Variants in FNDC1 observed in about 807,000 individuals in gnomAD.
FNDC1 encodes fibronectin type III domain containing 1.
Under a neutral mutation model 168.0 loss-of-function variants are expected in FNDC1, and 96 were observed. The observed-to-expected ratio is 0.57, with a 90% CI of 0.48 to 0.68. The LOEUF (loss-of-function observed/expected upper bound fraction) is 0.68. Ranked by LOEUF, FNDC1 falls within the 30% of genes least tolerant of loss-of-function variation. FNDC1 has a pLI of 0.00. For missense variants in FNDC1, 2,587 were observed against 2,482.1 expected (o/e 1.04, Z -0.90); for synonymous variants, 1,099 against 1,025.9 (o/e 1.07, Z -1.36).
chr6:159,195,036 G>A (rs868760458), intron 1 of FNDC1, among the ~76,000 whole-genome samples: 12 of 152,158 alleles, frequency 7.9e-5, no homozygotes, highest in Middle Eastern at 3.4e-3. Context: ...TGTGTGGTGC[G>A]GTGGGTGGGA....
At chr6:159,267,967 G>C in intron 22 of FNDC1, 41 bp downstream of exon 22, 1 of 1,583,272 alleles carries the variant, frequency 6.3e-7, no homozygotes, top group East Asian at 2.3e-5. Context: ...CTAGGAGGTG[G>C]GAGACAAGGA....
In FNDC1 at chr6:159,223,565, C is replaced by G; in HGVS notation, c.804C>G (p.Val268=). The change falls in exon 7 of 23, where the codon GTC becomes GTG. Residue 268 remains valine, a synonymous_variant. Coordinates refer to ENST00000297267, the MANE Select transcript of FNDC1 (RefSeq NM_032532.3). ...TGGATGTACCTGACGACATCAGCGT[C>G]CGGGTTATGTCATCTCAGTCTGTGC... is the stretch of plus-strand genomic sequence containing the variant. ...DELDVPDDIS[V]RVMSSQSVLV... The G allele has an allele frequency of 1.9e-6, 3 of 1,613,688 alleles. No homozygotes were observed. Among genetic ancestry groups the G allele is most frequent in the Non-Finnish European group, 2.5e-6 (3 of 1,179,758 alleles).
At chr6:159,190,832 T>C (rs1782121930) in intron 1 of FNDC1, among the ~76,000 whole-genome samples, 1 of 152,248 alleles carries the variant, frequency 6.6e-6, no homozygotes, top group African/African-American at 2.4e-5. Context: ...TTGTTATTGA[T>C]CAGCACACTA....
intron 9 of FNDC1, 69 bp downstream of exon 9, chr6:159,226,649 T>G: frequency 1.6e-6 from 2 of 1,235,110 alleles, no homozygotes; most frequent in Non-Finnish European, 2.3e-6. Flanking sequence ...CTTACGGCTT[T>G]GTTGACTGAA....
intron 1 of FNDC1, among the ~76,000 whole-genome samples, chr6:159,196,932 G>A (rs887048376): frequency 1.3e-5 from 2 of 152,126 alleles, no homozygotes; most frequent in African/African-American, 2.4e-5. Flanking sequence ...GATGATCTTG[G>A]TTTGTTTTCT....
chr6:159,254,493 TA>T (rs1777332761), intron 17 of FNDC1, among the ~76,000 whole-genome samples: 1 of 152,188 alleles, frequency 6.6e-6, no homozygotes, highest in Non-Finnish European at 1.5e-5. Flanking sequence ...AGACTTGGTG[TA>T]TAAAAAATCA....
intron 4 of FNDC1, among the ~76,000 whole-genome samples, chr6:159,210,145 C>T (rs563436): frequency 0.14 from 21,179 of 152,244 alleles, 1,723 homozygotes; most frequent in East Asian, 0.37. Context: ...TGGTGCTGCC[C>T]ACCACATCCT....
intron 4 of FNDC1, among the ~76,000 whole-genome samples, chr6:159,210,048 T>C (rs997079048): frequency 6.6e-6 from 1 of 152,252 alleles, no homozygotes; most frequent in Non-Finnish European, 1.5e-5. Context: ...CAGATGGTGC[T>C]GACGCCCTCT....
At chr6:159,225,462 G>A (rs1782932692) in intron 7 of FNDC1, 73 bp from the exon 8 acceptor site, 3 of 1,256,996 alleles carry the variant, frequency 2.4e-6, no homozygotes, top group Non-Finnish European at 3.2e-6. Flanking sequence ...TTATGAGGAA[G>A]GAAAAACAGC....
chr6:159,183,049 T>C (rs1001804849), intron 1 of FNDC1, among the ~76,000 whole-genome samples: 1 of 152,224 alleles, frequency 6.6e-6, no homozygotes, highest in African/African-American at 2.4e-5. Context: ...ATTGGGGATA[T>C]CAGGTGTTCT....
intron 14 of FNDC1, among the ~76,000 whole-genome samples, chr6:159,242,136 T>C (rs1783435503): frequency 6.6e-6 from 1 of 152,170 alleles, no homozygotes; most frequent in East Asian, 1.9e-4. Context: ...ATATACACCA[T>C]GGAATACTAT....
chr6:159,236,862 G>A (rs1158698674), intron 12 of FNDC1, among the ~76,000 whole-genome samples: 5 of 152,166 alleles, frequency 3.3e-5, no homozygotes, highest in African/African-American at 9.7e-5. Context: ...AGTATTTCAT[G>A]TATGTCTAAA....
At position 159,197,599 on chromosome 6, in the gene FNDC1, C is replaced by T. The variant is rs764445731; in HGVS notation, c.278C>T (p.Thr93Ile). The T allele has an allele frequency of 1.2e-6, 2 of 1,612,912 alleles. No homozygotes were observed. The highest frequency in any genetic ancestry group is 1.3e-5 in the African/African-American group (1 of 74,886). ...AAATACATCAAGGTGAATGCGGAGACATACTCCTTCCTTATTGAGGATGTG... is the reference window on the plus strand; with the variant it reads ...AAATACATCAAGGTGAATGCGGAGATATACTCCTTCCTTATTGAGGATGTG... ...SLKYIKVNAE[T>I]YSFLIEDVEP... Residue 93 changes from threonine to isoleucine, a missense_variant, in exon 2 of 23, where the codon ACA (threonine) becomes ATA (isoleucine). Physicochemically the swap from Thr to Ile is moderately conservative, Grantham distance 89. Coordinates refer to ENST00000297267, the MANE Select transcript of FNDC1 (RefSeq NM_032532.3).
chr6:159,258,670 A>C (rs568081454), intron 18 of FNDC1, among the ~76,000 whole-genome samples: 1 of 152,302 alleles, frequency 6.6e-6, no homozygotes, highest in East Asian at 1.9e-4. Context: ...TGAGGTGCCC[A>C]CCTGCTTATG....
At chr6:159,254,126 G>C (rs924551028) in intron 17 of FNDC1, among the ~76,000 whole-genome samples, 3 of 152,226 alleles carry the variant, frequency 2.0e-5, no homozygotes, top group Non-Finnish European at 4.4e-5. Context: ...ACTAATCAGT[G>C]ATCATAGGGT....
rs1170769127 is a variant in FNDC1, at chr6:159,233,789, G to C, written c.3277G>C (p.Ala1093Pro). ...AGAAGTCGAGGCCCAGGATGTGCGGGCCCCCGCGCACGCCGCGCGCGCCAA... is the reference window on the plus strand; with the variant it reads ...AGAAGTCGAGGCCCAGGATGTGCGGCCCCCCGCGCACGCCGCGCGCGCCAA... ...STEVEAQDVR[A>P]PAHAARAKEA... Residue 1093 changes from alanine (A) to proline (P), a missense_variant, in exon 11 of 23, where the codon GCC becomes CCC. By Grantham distance (27) the Ala-to-Pro change is conservative. Transcript: ENST00000297267. The surrounding 1 kb of genome is among the most constrained non-coding windows in gnomAD (Gnocchi z 4.6). 3.9e-6 allele frequency: 6 copies of C among 1,538,886 alleles called. No individual in the cohort carries two copies. Among genetic ancestry groups the C allele is most frequent in the Admixed American group, 4.1e-5 (2 of 48,984 alleles).
intron 1 of FNDC1, among the ~76,000 whole-genome samples, chr6:159,170,294 C>T (rs946630870): frequency 6.6e-6 from 1 of 152,166 alleles, no homozygotes; most frequent in African/African-American, 2.4e-5. Flanking sequence ...AACGTTCAAG[C>T]TGGGAGAAAA....
At chr6:159,189,993 G>A (rs895912007) in intron 1 of FNDC1, among the ~76,000 whole-genome samples, 6 of 152,214 alleles carry the variant, frequency 3.9e-5, no homozygotes, top group Non-Finnish European at 8.8e-5. Context: ...AGGTCAGCTT[G>A]ACTTTGGAGT....
chr6:159,259,826 T>G (rs566111294), intron 18 of FNDC1, among the ~76,000 whole-genome samples: 1 of 152,232 alleles, frequency 6.6e-6, no homozygotes, highest in African/African-American at 2.4e-5. Flanking sequence ...CTAAATAAGA[T>G]GCAAATGGCT....
Sources: allele counts gnomAD v4.1 joint callset (sites outside exome capture counted in the v4.1 genomes callset), GRCh38; gene constraint gnomAD v4.1.1; non-coding constraint Gnocchi (gnomAD v3.1); transcripts MANE v1.5; gene names NCBI Gene and HGNC (gene_info 2026-07-23, HGNC 2026-07-21).